The following WDR20 variants were observed in gnomAD, a reference collection of about 807,000 sequenced individuals.
The protein encoded by WDR20 is WD repeat-containing protein 20.
A neutral mutation model predicts 38.7 loss-of-function variants in WDR20; 3 were observed. The observed-to-expected ratio is 0.08, with a 90% CI of 0.04 to 0.20. The LOEUF (loss-of-function observed/expected upper bound fraction) is 0.20, where lower values mean the gene tolerates loss of function less well. WDR20 is among the 10% of genes least tolerant of loss of function. The pLI, the probability that WDR20 is intolerant of heterozygous loss-of-function variation, is 1.00. For synonymous variants in WDR20, 298 were observed against 285.6 expected (o/e 1.04, Z -0.44); for missense variants, 559 against 727.7 (o/e 0.77, Z 2.67).
chr14:102,158,436 T>TA (rs1353846059), intron 1 of WDR20, among the ~76,000 whole-genome samples: 1 of 152,142 alleles, frequency 6.6e-6, no homozygotes, highest in Non-Finnish European at 1.5e-5. Context: ...TAGCTGAGAT[T>TA]ACAGGCATGT....
Position 102,140,033 on chromosome 14 carries a change from G to T in WDR20, c.110G>T (p.Arg37Leu), listed in dbSNP as rs761112138. The T allele has an allele frequency of 6.2e-7, 1 of 1,614,204 alleles. No homozygotes were observed. The highest frequency in any genetic ancestry group is 8.5e-7 in the Non-Finnish European group (1 of 1,180,036). Reference protein sequence around the residue: ...LPHSEYSRPNRVPFNSQGSNP... With the variant: ...LPHSEYSRPNLVPFNSQGSNP... ...CACTCGGAGTACAGCCGGCCCAACC[G>T]GGTGCCCTTCAACTCGCAGGGATCC... The change falls in exon 1 of 3, where the codon CGG becomes CTG. Residue 37 changes from arginine (R) to leucine (L), a missense_variant. Transcript: ENST00000342702.
intron 1 of WDR20, among the ~76,000 whole-genome samples, chr14:102,176,048 T>A (rs1412097506): frequency 6.6e-6 from 1 of 152,162 alleles, no homozygotes; most frequent in African/African-American, 2.4e-5. Context: ...CCTTTATTTC[T>A]TTTCTCTTGT....
At chr14:102,216,684 C>T (rs1358762377), downstream of WDR20, among the ~76,000 whole-genome samples, 1 of 152,184 alleles carries the variant, frequency 6.6e-6, no homozygotes, top group African/African-American at 2.4e-5. Context: ...AATCCCAGCA[C>T]TTTGGGAGGC....
At chr14:102,213,870 G>A (rs1464322346), downstream of WDR20, 8 of 985,318 alleles carry the variant, frequency 8.1e-6, no homozygotes, top group African/African-American at 1.7e-5. Context: ...AGGGATCCAC[G>A]GAAACCCAAG....
At chr14:102,168,590 CT>C (rs767681038) in intron 1 of WDR20, among the ~76,000 whole-genome samples, 13 of 151,798 alleles carry the variant, frequency 8.6e-5, no homozygotes, top group African/African-American at 2.7e-4. Context: ...ATGAGCATTG[CT>C]TTTTTTTGAT....
intron 1 of WDR20, among the ~76,000 whole-genome samples, chr14:102,170,354 A>G (rs1167351908): frequency 6.6e-6 from 1 of 152,164 alleles, no homozygotes; most frequent in Non-Finnish European, 1.5e-5. Context: ...TCCTGTGAGG[A>G]ATTGCTGGGT....
chr14:102,224,098 G>A (rs181053931), downstream of WDR20, among the ~76,000 whole-genome samples: 21 of 145,144 alleles, frequency 1.4e-4, no homozygotes, highest in East Asian at 3.8e-3. Context: ...CTGGAGTGCA[G>A]TGGCGCAATC....
At chr14:102,162,464 A>G (rs2058944553) in intron 1 of WDR20, among the ~76,000 whole-genome samples, 1 of 152,198 alleles carries the variant, frequency 6.6e-6, no homozygotes, top group Non-Finnish European at 1.5e-5. Flanking sequence ...TGTACGTAGT[A>G]GGCACATTAT....
intron 1 of WDR20, among the ~76,000 whole-genome samples, chr14:102,154,925 ATAATAATTGATAGGATTAT>A (rs1390447932): frequency 2.0e-5 from 3 of 152,230 alleles, no homozygotes; most frequent in Non-Finnish European, 2.9e-5. Context: ...AAGGACATAG[ATAATAATTGATAGGATTAT>A]TAATAATTGA....
At chr14:102,174,458 C>T (rs948414162) in intron 1 of WDR20, among the ~76,000 whole-genome samples, 3 of 152,118 alleles carry the variant, frequency 2.0e-5, no homozygotes, top group Non-Finnish European at 4.4e-5. Context: ...CTTGCTCTGT[C>T]ACCCAGGCTA....
Position 102,169,261 on chromosome 14 carries a change from G to A in WDR20, c.250-25677G>A, listed in dbSNP as rs72698540. On this transcript the variant is annotated intron_variant, in intron 1 of 2. Transcript: ENST00000342702. The stretch of plus-strand genomic sequence containing the variant: ...CTTCTTCAGGTCTCTGCCCAAATGT[G>A]GTTCTGTGAAAGAAGCTTTCTCTTA... Among the ~76,000 whole-genome samples, 400 of 152,192 alleles carry A rather than the reference G, an allele frequency of 2.6e-3. 3 individuals carry two copies. The highest frequency in any genetic ancestry group is 4.8e-3 in the Non-Finnish European group (324 of 68,014).
chr14:102,201,077 AATG>A (rs2060304783), intron 2 of WDR20, among the ~76,000 whole-genome samples: 1 of 152,248 alleles, frequency 6.6e-6, no homozygotes, highest in Admixed American at 6.5e-5. Context: ...ATGAGCCCGT[AATG>A]ATCTACTCCT....
intron 2 of WDR20, among the ~76,000 whole-genome samples, chr14:102,206,287 A>G (rs960274266): frequency 6.6e-6 from 1 of 152,198 alleles, no homozygotes; most frequent in Admixed American, 6.5e-5. Flanking sequence ...GCGCCTGGCC[A>G]CAGTGCAGCT....
chr14:102,155,191 C>T (rs559202017), intron 1 of WDR20, among the ~76,000 whole-genome samples: 55 of 152,298 alleles, frequency 3.6e-4, no homozygotes, highest in African/African-American at 1.3e-3. Flanking sequence ...ATGAGAATAT[C>T]TGTCCTGCCT....
chr14:102,167,995 A>G (rs778949053), intron 1 of WDR20, among the ~76,000 whole-genome samples: 7 of 152,234 alleles, frequency 4.6e-5, no homozygotes, highest in Non-Finnish European at 7.3e-5. Context: ...AATATTTTCA[A>G]TGAACAGTTG....
At chr14:102,155,465 G>A (rs1244088309) in intron 1 of WDR20, among the ~76,000 whole-genome samples, 1 of 152,118 alleles carries the variant, frequency 6.6e-6, no homozygotes, top group Admixed American at 6.6e-5. Context: ...GAGATTACTG[G>A]GAGAGCAGTG....
chr14:102,151,264 C>G (rs1426510518), intron 1 of WDR20, among the ~76,000 whole-genome samples: 1 of 149,104 alleles, frequency 6.7e-6, no homozygotes, highest in Non-Finnish European at 1.5e-5. Context: ...GATGTTAAAC[C>G]CAAGGCCTGT....
At chr14:102,174,610 G>A (rs1052828229) in intron 1 of WDR20, among the ~76,000 whole-genome samples, 3 of 151,754 alleles carry the variant, frequency 2.0e-5, no homozygotes, top group South Asian at 4.2e-4. Context: ...TAGTAGAGAC[G>A]GGGTTTCACC....
chr14:102,162,662 G>T (rs1279330845), intron 1 of WDR20, among the ~76,000 whole-genome samples: 1 of 151,564 alleles, frequency 6.6e-6, no homozygotes, highest in African/African-American at 2.4e-5. Flanking sequence ...TGTTGCCCAG[G>T]CTGGAGTGCA....
Sources: gnomAD v4.1 joint callset for allele counts (sites outside exome capture counted in the v4.1 genomes callset) on GRCh38, gnomAD v4.1.1 for gene constraint, MANE v1.5 for transcripts, NCBI Gene and HGNC (gene_info 2026-07-23, HGNC 2026-07-21) for gene names.